Variants in TSPAN9 observed in about 807,000 individuals in gnomAD.
TSPAN9 encodes the protein tetraspanin-9.
Under a neutral mutation model 31.0 loss-of-function variants are expected in TSPAN9, and 16 were observed. That is an observed-to-expected ratio of 0.52 (90% CI 0.35 to 0.78). The LOEUF is 0.78. TSPAN9 is among the 30% of genes least tolerant of loss of function. The pLI is 0.01. For missense variants in TSPAN9, 272 were observed against 312.5 expected (o/e 0.87, Z 0.98); for synonymous variants, 145 against 121.6 (o/e 1.19, Z -1.27).
intron 3 of TSPAN9, among the ~76,000 whole-genome samples, chr12:3,208,620 C>G (rs2098376543): frequency 6.6e-6 from 1 of 152,208 alleles, no homozygotes; most frequent in Non-Finnish European, 1.5e-5. Context: ...ACACAGGGCT[C>G]CAGGTCCGGG....
chr12:3,131,879 C>T (rs142121528), intron 2 of TSPAN9, among the ~76,000 whole-genome samples: 9 of 152,304 alleles, frequency 5.9e-5, no homozygotes, highest in Non-Finnish European at 7.4e-5. Context: ...TACTTGCTTC[C>T]ATGGCTTCTT....
rs758808616 is a variant in TSPAN9, at chr12:3,192,081, C to T, written c.-17-9096C>T. On this transcript the variant is annotated intron_variant, in intron 2 of 8. Transcript: ENST00000011898. The surrounding 1 kb of genome is among the most constrained non-coding windows in gnomAD (Gnocchi z 4.6). ...AGGAGGTCAGAGCACCGAGAGTTCACGGCTGTGGCAATAATGGGTGAGCAG... is the reference window on the plus strand; with the variant it reads ...AGGAGGTCAGAGCACCGAGAGTTCATGGCTGTGGCAATAATGGGTGAGCAG... Among the ~76,000 whole-genome samples, 29 of 152,114 alleles carry T rather than the reference C, an allele frequency of 1.9e-4. No individual in the cohort carries two copies. The East Asian group carries it at 2.1e-3, about 11-fold the overall frequency.
intron 2 of TSPAN9, among the ~76,000 whole-genome samples, chr12:3,127,869 TTCCACC>T (rs1308140263): frequency 6.6e-6 from 1 of 152,188 alleles, no homozygotes; most frequent in Non-Finnish European, 1.5e-5. Context: ...CAAGTGATCC[TTCCACC>T]TCCACCTTCG....
Position 3,281,293 on chromosome 12 carries a change from C to G in TSPAN9, c.528C>G (p.Gly176=). Residue 176 remains glycine (G), a synonymous_variant, in exon 7 of 9, where the codon GGC becomes GGG. Coordinates refer to ENST00000011898, the MANE Select transcript of TSPAN9 (RefSeq NM_006675.5). ...GCTGCTGCATGGAGAACTCCCAGGG[C>G]TGCGGGCGCAACGCCACCACGCCTT... is the stretch of plus-strand genomic sequence containing the variant. ...PDRCCMENSQ[G]CGRNATTPLW... 6.4e-7 allele frequency: 1 copy of G among 1,551,152 alleles called. No individual in the cohort carries two copies. Among genetic ancestry groups the G allele is most frequent in the South Asian group, 1.2e-5 (1 of 84,050 alleles).
At chr12:3,266,860 C>T (rs1208078496) in intron 3 of TSPAN9, among the ~76,000 whole-genome samples, 2 of 152,194 alleles carry the variant, frequency 1.3e-5, no homozygotes, top group Non-Finnish European at 2.9e-5. Context: ...CACATGTGGG[C>T]CCTGTCAAAG....
chr12:3,079,123 G>A (rs1390933549), intron 1 of TSPAN9, among the ~76,000 whole-genome samples: 1 of 151,992 alleles, frequency 6.6e-6, no homozygotes, highest in Non-Finnish European at 1.5e-5. Flanking sequence ...GGGATTACAG[G>A]CGCGTGCCGC....
chr12:3,265,509 T>C (rs7296705), intron 3 of TSPAN9, among the ~76,000 whole-genome samples: 36,113 of 152,170 alleles, frequency 0.24, 4,858 homozygotes, highest in African/African-American at 0.37. Context: ...TTTGTTTATT[T>C]TGTTCCTCCT....
intron 2 of TSPAN9, among the ~76,000 whole-genome samples, chr12:3,108,948 T>C (rs1333199260): frequency 2.0e-5 from 3 of 152,084 alleles, no homozygotes; most frequent in African/African-American, 4.8e-5. Context: ...GGATTCTTTT[T>C]TTTTTTTGAG....
intron 3 of TSPAN9, among the ~76,000 whole-genome samples, chr12:3,226,740 GTGTGTATATATATATATATATATATATA>G (rs1399499475): frequency 0.29 from 3,852 of 13,092 alleles, 974 homozygotes; most frequent in South Asian, 0.51. Context: ...GTGTGTGTGT[GTGTGTATATATATATATATATATATATA>G]TATATATATA....
chr12:3,230,876 G>A lies in TSPAN9; in HGVS notation c.63+29620G>A, dbSNP rs1030248604. ...CTGGAGACCCCTGCAGGACTCCCTG[G>A]GGCCTCCTTGATCCCCATCTGGAGG... On this transcript the variant is annotated intron_variant, in intron 3 of 8. Transcript: ENST00000011898. 5.9e-5 allele frequency among the ~76,000 whole-genome samples: 9 copies of A among 152,106 alleles called. 1 individual carries two copies. The highest frequency in any genetic ancestry group is 2.2e-4 in the African/African-American group (9 of 41,394).
At chr12:3,237,312 G>T (rs541679676) in intron 3 of TSPAN9, among the ~76,000 whole-genome samples, 1 of 152,334 alleles carries the variant, frequency 6.6e-6, no homozygotes, top group Admixed American at 6.5e-5. Context: ...CTTGCCTCCT[G>T]ATGACTTACG....
At chr12:3,092,171 T>C (rs545409635) in intron 2 of TSPAN9, among the ~76,000 whole-genome samples, 1 of 152,304 alleles carries the variant, frequency 6.6e-6, no homozygotes, top group South Asian at 2.1e-4. Flanking sequence ...TTGAGGCCTG[T>C]AGCAGGTAAA....
At chr12:3,279,235 T>G (rs756724892) in intron 5 of TSPAN9, among the ~76,000 whole-genome samples, 169 bp downstream of exon 5, 2 of 152,014 alleles carry the variant, frequency 1.3e-5, no homozygotes, top group Non-Finnish European at 2.9e-5. Context: ...AAAGAGCAGA[T>G]GGAAGGTTTT....
chr12:3,110,262 C>T (rs2153965277), intron 2 of TSPAN9, among the ~76,000 whole-genome samples: 1 of 152,238 alleles, frequency 6.6e-6, no homozygotes, highest in Non-Finnish European at 1.5e-5. Context: ...GGCTCCTGGG[C>T]ACAGGAATTC....
At chr12:3,167,588 G>T (rs1384359805) in intron 2 of TSPAN9, among the ~76,000 whole-genome samples, 2 of 152,214 alleles carry the variant, frequency 1.3e-5, no homozygotes, top group African/African-American at 4.8e-5. Context: ...AGGGATGATG[G>T]TGATGGGCTG....
intron 2 of TSPAN9, among the ~76,000 whole-genome samples, chr12:3,177,684 C>T (rs1375834187): frequency 6.6e-6 from 1 of 152,244 alleles, no homozygotes; most frequent in African/African-American, 2.4e-5. Flanking sequence ...TTGCCTGCCT[C>T]AGCCTCCCAA....
chr12:3,259,887 G>A lies in TSPAN9; in HGVS notation c.64-18534G>A, dbSNP rs1051923950. ...GGGAATGGGTTTGGAGGAGCCAGAAGGGCTGCTGGGAAAACAGAAAATGAT... is the reference window on the plus strand; with the variant it reads ...GGGAATGGGTTTGGAGGAGCCAGAAAGGCTGCTGGGAAAACAGAAAATGAT... On this transcript the variant is annotated intron_variant, in intron 3 of 8. Transcript: ENST00000011898. Among the ~76,000 whole-genome samples, 3 of 152,360 alleles carry A rather than the reference G, an allele frequency of 2.0e-5. No individual in the cohort carries two copies. In the East Asian group the frequency reaches 5.8e-4, roughly 29 times the overall value.
chr12:3,247,277 G>A, intron 3 of TSPAN9, among the ~76,000 whole-genome samples: 1 of 148,842 alleles, frequency 6.7e-6, no homozygotes. Context: ...AGCTGCTTGT[G>A]GCTGATGAGC....
chr12:3,223,589 A>G (rs1003796627), intron 3 of TSPAN9, among the ~76,000 whole-genome samples: 2 of 152,150 alleles, frequency 1.3e-5, no homozygotes, highest in African/African-American at 2.4e-5. Context: ...CTGTGTGTCT[A>G]CCTTGTTTTA....
Sources: allele counts gnomAD v4.1 joint callset (sites outside exome capture counted in the v4.1 genomes callset), GRCh38; gene constraint gnomAD v4.1.1; non-coding constraint Gnocchi (gnomAD v3.1); transcripts MANE v1.5; gene names NCBI Gene and HGNC (gene_info 2026-07-23, HGNC 2026-07-21).